Variants in GPD2 observed in about 807,000 individuals in gnomAD.
The protein encoded by GPD2 is glycerol-3-phosphate dehydrogenase, mitochondrial.
GPD2 carries 54 observed loss-of-function variants against 82.4 expected under a neutral mutation model. That is an observed-to-expected ratio of 0.66 (90% CI 0.53 to 0.82). The LOEUF (loss-of-function observed/expected upper bound fraction) is 0.82. Among genes scored for constraint, GPD2 ranks in the 40% least tolerant of loss-of-function variants. The probability of loss-of-function intolerance (pLI) is 0.00; values close to 1 mark genes in which losing one functional copy is unlikely to be tolerated. For synonymous variants in GPD2, 288 were observed against 306.1 expected (o/e 0.94, Z 0.62); for missense variants, 748 against 896.2 (o/e 0.83, Z 2.11).
chr2:156,537,686 G>A (rs1686134686), intron 6 of GPD2, among the ~76,000 whole-genome samples: 4 of 152,100 alleles, frequency 2.6e-5, no homozygotes, highest in Admixed American at 2.6e-4. Flanking sequence ...AGAGACAAAG[G>A]GAGTATTTTT....
At chr2:156,503,372 A>G (rs573769579) in intron 3 of GPD2, among the ~76,000 whole-genome samples, 3 of 152,266 alleles carry the variant, frequency 2.0e-5, no homozygotes, top group East Asian at 1.9e-4. Context: ...TTCTGCTCTG[A>G]GTTTCTGTTA....
chr2:156,420,823 T>G, the GPD2 span, among the ~76,000 whole-genome samples: 18 of 152,344 alleles, frequency 1.2e-4, no homozygotes, highest in East Asian at 2.9e-3. Context: ...TGAATGAGTT[T>G]TATATGCCAC....
chr2:156,545,184 C>G (rs1686483992), intron 6 of GPD2, among the ~76,000 whole-genome samples: 1 of 152,052 alleles, frequency 6.6e-6, no homozygotes, highest in Non-Finnish European at 1.5e-5. Flanking sequence ...CCTGCCTTTA[C>G]CTGAATATTT....
At chr2:156,526,999 C>G (rs1277621167) in intron 6 of GPD2, among the ~76,000 whole-genome samples, 1 of 152,100 alleles carries the variant, frequency 6.6e-6, no homozygotes, top group African/African-American at 2.4e-5. Flanking sequence ...CACATATTTT[C>G]TAGCATTCTT....
intron 1 of GPD2, among the ~76,000 whole-genome samples, chr2:156,458,463 A>T (rs1163444798): frequency 6.6e-6 from 1 of 152,248 alleles, no homozygotes; most frequent in East Asian, 1.9e-4. Context: ...GTTTAGGTGC[A>T]GCTTAACTCA....
chr2:156,510,712 G>T, intron 3 of GPD2, 84 bp from the exon 4 acceptor site: 2 of 1,105,706 alleles, frequency 1.8e-6, no homozygotes, highest in East Asian at 2.4e-5. Context: ...TCTTGTGATT[G>T]TCTCTACCCT....
At chr2:156,496,335 C>A in intron 3 of GPD2, 120 bp downstream of exon 3, 1 of 696,684 alleles carries the variant, frequency 1.4e-6, no homozygotes, top group South Asian at 1.6e-5. Context: ...AACCCATCAC[C>A]TAGGTACAAG....
chr2:156,489,282 T>A (rs888614432), intron 2 of GPD2, among the ~76,000 whole-genome samples: 1 of 152,242 alleles, frequency 6.6e-6, no homozygotes. Context: ...TATAGCAATT[T>A]AAAAATATTG....
At chr2:156,525,038 C>T (rs951884413) in intron 6 of GPD2, among the ~76,000 whole-genome samples, 3 of 152,116 alleles carry the variant, frequency 2.0e-5, no homozygotes, top group Admixed American at 6.5e-5. Context: ...TATCTGCCTA[C>T]CTTAAGGTAT....
chr2:156,483,038 T>C (rs1683791947), intron 2 of GPD2, among the ~76,000 whole-genome samples: 2 of 152,062 alleles, frequency 1.3e-5, no homozygotes, highest in Admixed American at 6.5e-5. Flanking sequence ...TCTAACGAAG[T>C]AGTGCTTTTT....
intron 6 of GPD2, among the ~76,000 whole-genome samples, chr2:156,514,997 CT>C (rs970056197): frequency 8.5e-5 from 13 of 152,176 alleles, no homozygotes; most frequent in African/African-American, 3.1e-4. Flanking sequence ...GCCTTTCCCT[CT>C]TATTACTAAT....
intron 2 of GPD2, among the ~76,000 whole-genome samples, chr2:156,494,130 A>G (rs1684285322): frequency 6.6e-6 from 1 of 152,180 alleles, no homozygotes; most frequent in South Asian, 2.1e-4. Flanking sequence ...TATGAAAAAT[A>G]AGATTTTTGT....
chr2:156,509,519 C>G (rs1684908089), intron 3 of GPD2, among the ~76,000 whole-genome samples: 2 of 152,058 alleles, frequency 1.3e-5, no homozygotes, highest in Admixed American at 1.3e-4. Flanking sequence ...CATGAAAACT[C>G]CTCATGGCTT....
chr2:156,574,909 G>A (rs7591462), intron 13 of GPD2, among the ~76,000 whole-genome samples: 5,142 of 152,248 alleles, frequency 0.034, 299 homozygotes, highest in African/African-American at 0.12. Context: ...ATGCTGGAGA[G>A]TAAGGAGAAC....
At chr2:156,543,949 T>C (rs1686426388) in intron 6 of GPD2, among the ~76,000 whole-genome samples, 1 of 152,242 alleles carries the variant, frequency 6.6e-6, no homozygotes, top group African/African-American at 2.4e-5. Context: ...GTTTTGAAGA[T>C]AGATCCTGTT....
At position 156,584,263 on chromosome 2, in the gene GPD2, A is replaced by G. The variant is rs1421194639; in HGVS notation, c.*1345A>G. On this transcript the variant is annotated 3_prime_UTR_variant, in exon 17 of 17. Transcript: ENST00000438166. ...AATCGTACTTCCTCTTGTAAAGTTA[A>G]CTACTTACTTTTTTGTTGTTGTTTT... The G allele has an allele frequency of 6.6e-6, 1 of 152,022 alleles. No homozygotes were observed. Among genetic ancestry groups the G allele is most frequent in the East Asian group, 1.9e-4 (1 of 5,186 alleles). 9.4% of individuals were successfully genotyped at this position (152,022 alleles called of 1,614,324 possible). A position where few individuals can be genotyped will look rare whatever the true frequency, so the allele number is the denominator to read the frequency against.
chr2:156,561,855 A>G (rs1423443143), intron 9 of GPD2, among the ~76,000 whole-genome samples: 1 of 152,144 alleles, frequency 6.6e-6, no homozygotes, highest in Non-Finnish European at 1.5e-5. Context: ...CAGCTGCCAC[A>G]CTTCTGCAAA....
At chr2:156,439,541 A>AAAAAC (rs1682078447) in intron 1 of GPD2, among the ~76,000 whole-genome samples, 5 of 35,560 alleles carry the variant, frequency 1.4e-4, no homozygotes, top group Non-Finnish European at 2.9e-4. Context: ...AAAAAAAAAC[A>AAAAAC]AAAAAAAAAA....
At position 156,575,990 on chromosome 2, in the gene GPD2, A is replaced by G. The variant is rs905492553; in HGVS notation, c.1768-2899A>G. Among the ~76,000 whole-genome samples the G allele has an allele frequency of 3.3e-5, 5 of 152,230 alleles. No homozygotes were observed. The East Asian group carries it at 9.6e-4, about 29-fold the overall frequency. ...CCAGAGGGAGAGTGAATGTTTGATG[A>G]TGGATTGAAACAATGGGTGAAATTT... On this transcript the variant is annotated intron_variant, in intron 13 of 16. Coordinates refer to ENST00000438166, the MANE Select transcript of GPD2 (RefSeq NM_000408.5).
Sources: allele counts gnomAD v4.1 joint callset (sites outside exome capture counted in the v4.1 genomes callset), GRCh38; gene constraint gnomAD v4.1.1; transcripts MANE v1.5; gene names NCBI Gene and HGNC (gene_info 2026-07-23, HGNC 2026-07-21).